The following TUBB1 variants were observed in gnomAD, a reference collection of about 807,000 sequenced individuals.
TUBB1 encodes the protein tubulin beta 1 class VI, also known as tubulin beta-1 chain.
A neutral mutation model predicts 22.6 loss-of-function variants in TUBB1; 28 were observed. That is an observed-to-expected ratio of 1.24 (90% CI 0.92 to 1.70). The LOEUF (loss-of-function observed/expected upper bound fraction) is 1.70. Ranked by LOEUF, TUBB1 falls within the 40% of genes most tolerant of loss-of-function variation. The pLI is 0.00. For missense variants in TUBB1, 577 were observed against 605.5 expected, an observed-to-expected ratio of 0.95 and a Z score of 0.49; for synonymous variants, 226 against 238.0, an observed-to-expected ratio of 0.95 and a Z score of 0.46.
intron 1 of TUBB1, 44 bp from the exon 2 acceptor site, chr20:59,022,801 C>T: frequency 6.4e-7 from 1 of 1,573,200 alleles, no homozygotes; most frequent in South Asian, 1.1e-5. Context: ...GTTAACACAG[C>T]CTTTTTCGGG....
chr20:59,024,264 G>C lies in TUBB1; in HGVS notation c.837G>C (p.Gln279His), dbSNP rs2091982567. The change falls in exon 4 of 4, where the codon CAG (glutamine) becomes CAC (histidine). Residue 279 changes from glutamine (Q) to histidine (H), a missense_variant. Coordinates refer to ENST00000217133, the MANE Select transcript of TUBB1 (RefSeq NM_030773.4). This position sits in a 1 kb window ranked among gnomAD's most constrained non-coding sequence, Gnocchi z 4.9. ...CCCCACTCACGGCCCAGGGCAGCCA[G>C]CAGTACCGAGCCCTCTCCGTGGCCG... Reference protein sequence around the residue: ...GFAPLTAQGSQQYRALSVAEL... With the variant: ...GFAPLTAQGSHQYRALSVAEL... 3 of 1,614,006 alleles carry C rather than the reference G, an allele frequency of 1.9e-6. No homozygotes were observed. Among genetic ancestry groups the C allele is most frequent in the Non-Finnish European group, 2.5e-6 (3 of 1,180,046 alleles).
chr20:59,022,352 A>G (rs2091971565), intron 1 of TUBB1, among the ~76,000 whole-genome samples: 1 of 151,766 alleles, frequency 6.6e-6, no homozygotes, highest in Non-Finnish European at 1.5e-5. Context: ...ATTACTTAAA[A>G]TCATGCACAG....
At chr20:59,020,921 T>C (rs762859273) in intron 1 of TUBB1, among the ~76,000 whole-genome samples, 1 of 152,254 alleles carries the variant, frequency 6.6e-6, no homozygotes, top group African/African-American at 2.4e-5. Context: ...AAATTACTTT[T>C]ACTAATATGA....
upstream of TUBB1, among the ~76,000 whole-genome samples, chr20:59,016,571 G>A (rs1011208013): frequency 2.6e-5 from 4 of 152,194 alleles, no homozygotes; most frequent in Non-Finnish European, 4.4e-5. Context: ...TGGGTGGGGA[G>A]GGAGGCTCGG....
At position 59,025,882 on chromosome 20, in the gene TUBB1, C is replaced by A. The variant is rs1247231424; in HGVS notation, c.*1099C>A. 6.6e-6 allele frequency: 1 copy of A among 152,184 alleles called. No homozygotes were observed. The highest frequency in any genetic ancestry group is 1.5e-5 in the Non-Finnish European group (1 of 68,030). The allele number at this position is 152,184 out of a possible 1,614,324, so 9.4% of individuals were successfully genotyped here. ...TTAATCTGCTCACATTATAACAGGA[C>A]CAAATACACAAGAGCGTAATCAAAT... On this transcript the variant is annotated 3_prime_UTR_variant, in exon 4 of 4. Coordinates refer to ENST00000217133, the MANE Select transcript of TUBB1 (RefSeq NM_030773.4).
chr20:59,018,860 C>T (rs2091955419), upstream of TUBB1, among the ~76,000 whole-genome samples: 1 of 152,148 alleles, frequency 6.6e-6, no homozygotes, highest in East Asian at 1.9e-4. Context: ...ACAGCCCAGC[C>T]CTGGCATGGA....
chr20:59,017,500 G>A (rs567926592), upstream of TUBB1, among the ~76,000 whole-genome samples: 4 of 152,216 alleles, frequency 2.6e-5, no homozygotes, highest in Admixed American at 6.5e-5. Context: ...AAGCAGAAGC[G>A]ATTTCCCCCA....
rs141721320 is a variant in TUBB1 at position 59,024,184 on chromosome 20, C to G, written c.757C>G (p.Leu253Val). ...TCAGCTCAACGCAGACCTGCGCAAG[C>G]TGGCGGTGAACATGGTCCCCTTCCC... is the stretch of plus-strand genomic sequence containing the variant. Reference protein sequence around the residue: ...PGQLNADLRKLAVNMVPFPRL... With the variant: ...PGQLNADLRKVAVNMVPFPRL... The change falls in exon 4 of 4, where the codon CTG (leucine) becomes GTG (valine). Residue 253 changes from leucine to valine, a missense_variant. Transcript: ENST00000217133. This position sits in a 1 kb window ranked among gnomAD's most constrained non-coding sequence, Gnocchi z 4.9. 2.0e-5 allele frequency: 33 copies of G among 1,614,134 alleles called. No homozygotes were observed. The highest frequency in any genetic ancestry group is 1.8e-5 in the Non-Finnish European group (21 of 1,180,054).
rs190601826 is a variant in TUBB1 at position 59,022,386 on chromosome 20, G to A, written c.58-459G>A. ...AGAGGTCCAAGTTATGGGCTGTTTG[G>A]AAAAGTTCATGAAAAGAAATCCCCA... On this transcript the variant is annotated intron_variant, in intron 1 of 3. Transcript: ENST00000217133. Among the ~76,000 whole-genome samples the A allele has an allele frequency of 1.0e-3, 155 of 151,276 alleles. 3 individuals are homozygous for A. Among genetic ancestry groups the A allele is most frequent in the Middle Eastern group, 3.5e-3 (1 of 288 alleles).
upstream of TUBB1, among the ~76,000 whole-genome samples, chr20:59,017,677 T>G (rs926182567): frequency 6.6e-6 from 1 of 152,110 alleles, no homozygotes; most frequent in Non-Finnish European, 1.5e-5. Flanking sequence ...TCAACCAAGG[T>G]CACGGGTCTG....
rs1212833757 is a variant in TUBB1 at position 59,024,409 on chromosome 20, C to G, written c.982C>G (p.Gln328Glu). The change falls in exon 4 of 4, where the codon CAG (glutamine) becomes GAG (glutamate). Residue 328 changes from glutamine (Q) to glutamate (E), a missense_variant. By Grantham distance (29) the Gln-to-Glu change is conservative (BLOSUM62 2). Coordinates refer to ENST00000217133, the MANE Select transcript of TUBB1 (RefSeq NM_030773.4). This position sits in a 1 kb window ranked among gnomAD's most constrained non-coding sequence, Gnocchi z 4.9. The part of the protein sequence containing the change: ...RGKMSTKEVD[Q>E]QLLSVQTRNS... Reference sequence around the variant, plus strand: ...CAAGATGTCCACCAAGGAAGTGGACCAGCAACTGCTCTCCGTGCAGACCAG... The same window carrying G: ...CAAGATGTCCACCAAGGAAGTGGACGAGCAACTGCTCTCCGTGCAGACCAG... 1 of 1,614,182 alleles carries G rather than the reference C, an allele frequency of 6.2e-7. No homozygotes were observed. The highest frequency in any genetic ancestry group is 2.2e-5 in the East Asian group (1 of 44,880).
intron 1 of TUBB1, among the ~76,000 whole-genome samples, chr20:59,020,808 C>A (rs2091963589): frequency 6.6e-6 from 1 of 152,032 alleles, no homozygotes; most frequent in Non-Finnish European, 1.5e-5. Context: ...ACTTAATTGG[C>A]CAACCCCAAG....
Position 59,023,552 on chromosome 20 carries a change from C to T in TUBB1, c.229C>T (p.Arg77Ter), listed in dbSNP as rs767380935. 5.6e-5 allele frequency: 91 copies of T among 1,614,030 alleles called. No homozygotes were observed. Among genetic ancestry groups the T allele is most frequent in the Non-Finnish European group, 7.4e-5 (87 of 1,180,036 alleles). ...AGAACCTGGGACGATGGACAGCATTCGATCTAGCAAATTAGGAGCTCTCTT... is the reference window on the plus strand; with the variant it reads ...AGAACCTGGGACGATGGACAGCATTTGATCTAGCAAATTAGGAGCTCTCTT... ...DLEPGTMDSI[R>*]SSKLGALFQP... Residue 77 changes from arginine to a stop codon, truncating the protein, a stop_gained, in exon 3 of 4, where the codon CGA becomes TGA. Coordinates refer to ENST00000217133, the MANE Select transcript of TUBB1 (RefSeq NM_030773.4). LOFTEE classifies it high-confidence loss of function.
At position 59,024,289 on chromosome 20, in the gene TUBB1, G is replaced by A. The variant is rs916577364; in HGVS notation, c.862G>A (p.Glu288Lys). 6.2e-7 allele frequency: 1 copy of A among 1,613,924 alleles called. No homozygotes were observed. The highest frequency in any genetic ancestry group is 8.5e-7 in the Non-Finnish European group (1 of 1,180,036). ...GCAGTACCGAGCCCTCTCCGTGGCCGAGCTCACCCAGCAGATGTTCGATGC... is the reference window on the plus strand; with the variant it reads ...GCAGTACCGAGCCCTCTCCGTGGCCAAGCTCACCCAGCAGATGTTCGATGC... Reference protein sequence around the residue: ...SQQYRALSVAELTQQMFDARN... With the variant: ...SQQYRALSVAKLTQQMFDARN... Residue 288 changes from glutamate (E) to lysine (K), a missense_variant, in exon 4 of 4, where the codon GAG (glutamate) becomes AAG (lysine). Glu to Lys is a moderately conservative substitution (Grantham distance 56). Coordinates refer to ENST00000217133, the MANE Select transcript of TUBB1 (RefSeq NM_030773.4). This position sits in a 1 kb window ranked among gnomAD's most constrained non-coding sequence, Gnocchi z 4.9.
Position 59,022,970 on chromosome 20 carries a change from T to C in TUBB1, c.166+17T>C. 1 of 1,605,694 alleles carries C rather than the reference T, an allele frequency of 6.2e-7. No individual in the cohort carries two copies. On this transcript the variant is annotated intron_variant, in intron 2 of 3. Transcript: ENST00000217133. ...AAGCCTACGGTAGGACTGGCGGGGC[T>C]CTGGGAGCAGTGGTCCCGCAACTGG...
upstream of TUBB1, among the ~76,000 whole-genome samples, chr20:59,018,423 T>C (rs2091953625): frequency 6.6e-6 from 1 of 151,970 alleles, no homozygotes; most frequent in Non-Finnish European, 1.5e-5. Context: ...TTTTTTTTTT[T>C]TTCTGACAGA....
rs1439065427 is a variant in TUBB1, at chr20:59,024,577, C to T, written c.1150C>T (p.His384Tyr). The change falls in exon 4 of 4, where the codon CAT becomes TAT. Residue 384 changes from histidine to tyrosine, a missense_variant. Physicochemically the swap from His to Tyr is moderately conservative, Grantham distance 83 (BLOSUM62 2). Transcript: ENST00000217133. The surrounding 1 kb of genome is among the most constrained non-coding windows in gnomAD (Gnocchi z 4.9). ...IQEIFNRVSE[H>Y]FSAMFKRKAF... ...AGAGATCTTTAATAGGGTCTCTGAG[C>T]ATTTCTCAGCCATGTTCAAAAGGAA... 1 of 1,614,174 alleles carries T rather than the reference C, an allele frequency of 6.2e-7. No individual in the cohort carries two copies. The highest frequency in any genetic ancestry group is 1.1e-5 in the South Asian group (1 of 91,086).
At chr20:59,023,052 G>A (rs1483031447) in intron 2 of TUBB1, 99 bp downstream of exon 2, 2 of 1,156,878 alleles carry the variant, frequency 1.7e-6, no homozygotes, top group African/African-American at 1.5e-5. Context: ...AAGCAGTGAT[G>A]TCTATGCTCA....
Position 59,024,156 on chromosome 20 carries a change from G to C in TUBB1, c.729G>C (p.Pro243=). The change falls in exon 4 of 4, where the codon CCG becomes CCC. Residue 243 remains proline (P), a synonymous_variant. Transcript: ENST00000217133. The surrounding 1 kb of genome is among the most constrained non-coding windows in gnomAD (Gnocchi z 4.9). ...MSGITTSLRF[P]GQLNADLRKL... ...GCATAACCACCTCCCTCCGGTTCCC[G>C]GGTCAGCTCAACGCAGACCTGCGCA... is the stretch of plus-strand genomic sequence containing the variant. 1 of 1,614,146 alleles carries C rather than the reference G, an allele frequency of 6.2e-7. No homozygotes were observed. Among genetic ancestry groups the C allele is most frequent in the Non-Finnish European group, 8.5e-7 (1 of 1,180,024 alleles).
Sources: allele counts gnomAD v4.1 joint callset (sites outside exome capture counted in the v4.1 genomes callset), GRCh38; gene constraint gnomAD v4.1.1; non-coding constraint Gnocchi (gnomAD v3.1); transcripts MANE v1.5; gene names NCBI Gene and HGNC (gene_info 2026-07-23, HGNC 2026-07-21).